The following OPN5 variants were observed in gnomAD, a reference collection of about 807,000 sequenced individuals.
The protein encoded by OPN5 is opsin 5, also known as opsin-5.
A neutral mutation model predicts 41.7 loss-of-function variants in OPN5; 18 were observed. That is an observed-to-expected ratio of 0.43 (90% CI 0.30 to 0.64). OPN5 has a LOEUF of 0.64. Ranked by LOEUF, OPN5 falls within the 30% of genes least tolerant of loss-of-function variation. The pLI is 0.13. For synonymous variants in OPN5, 178 were observed against 164.3 expected (o/e 1.08, Z -0.64); for missense variants, 318 against 434.5 (o/e 0.73, Z 2.38).
intron 6 of OPN5, among the ~76,000 whole-genome samples, chr6:47,813,803 T>C (rs1208639257): frequency 6.6e-6 from 1 of 152,010 alleles, no homozygotes; most frequent in Non-Finnish European, 1.5e-5. Flanking sequence ...AAAAAAGTGG[T>C]AATTGATTAC....
At chr6:47,782,723 A>G (rs1413353268) in intron 1 of OPN5, among the ~76,000 whole-genome samples, 1 of 152,210 alleles carries the variant, frequency 6.6e-6, no homozygotes, top group Non-Finnish European at 1.5e-5. Context: ...TAGCTAAGCC[A>G]TTTTGGTGAC....
chr6:47,822,851 A>C (rs1383522094), intron 6 of OPN5, among the ~76,000 whole-genome samples: 1 of 152,212 alleles, frequency 6.6e-6, no homozygotes, highest in African/African-American at 2.4e-5. Flanking sequence ...TCTGTTGTTC[A>C]AGTCCTCCAA....
intron 4 of OPN5, among the ~76,000 whole-genome samples, chr6:47,807,128 G>A (rs1380199899): frequency 6.6e-6 from 1 of 152,174 alleles, no homozygotes; most frequent in Admixed American, 6.5e-5. Context: ...CTGCATTCCA[G>A]CCTGGGCAAC....
chr6:47,819,154 T>G (rs1762519456), intron 6 of OPN5, among the ~76,000 whole-genome samples: 1 of 151,474 alleles, frequency 6.6e-6, no homozygotes, highest in South Asian at 2.1e-4. Flanking sequence ...AAATTTATTT[T>G]TAGCTCCTGG....
At chr6:47,783,613 T>A (rs905353103) in intron 1 of OPN5, among the ~76,000 whole-genome samples, 3 of 152,176 alleles carry the variant, frequency 2.0e-5, no homozygotes, top group Non-Finnish European at 4.4e-5. Context: ...TAGTTTAAAT[T>A]CTGTTTCTTA....
At chr6:47,813,495 G>T (rs1762327677) in intron 6 of OPN5, among the ~76,000 whole-genome samples, 1 of 152,160 alleles carries the variant, frequency 6.6e-6, no homozygotes, top group African/African-American at 2.4e-5. Context: ...GGAGCTGAGA[G>T]TGGTAGTCTG....
intron 1 of OPN5, among the ~76,000 whole-genome samples, chr6:47,783,400 T>C (rs999360306): frequency 2.4e-4 from 36 of 152,214 alleles, no homozygotes; most frequent in African/African-American, 7.9e-4. Context: ...CTTCCTCCCT[T>C]TCTCTCTTTT....
At chr6:47,783,903 C>A (rs1392981073) in intron 1 of OPN5, among the ~76,000 whole-genome samples, 4 of 152,194 alleles carry the variant, frequency 2.6e-5, no homozygotes, top group Non-Finnish European at 5.9e-5. Context: ...AATAACCTGA[C>A]AAATCTCTCC....
intron 1 of OPN5, 130 bp from the exon 2 acceptor site, chr6:47,786,385 T>C (rs1189941890): frequency 3.0e-6 from 2 of 662,626 alleles, no homozygotes; most frequent in Non-Finnish European, 5.1e-6. Context: ...TAATTTAGAT[T>C]TTTTTATTTA....
At chr6:47,818,590 C>T (rs1302954003) in intron 6 of OPN5, among the ~76,000 whole-genome samples, 1 of 152,164 alleles carries the variant, frequency 6.6e-6, no homozygotes, top group East Asian at 1.9e-4. Context: ...GTATGGGGCA[C>T]AGATGAGGCT....
intron 2 of OPN5, among the ~76,000 whole-genome samples, chr6:47,791,074 T>C (rs1277013934): frequency 6.6e-6 from 1 of 152,146 alleles, no homozygotes; most frequent in East Asian, 1.9e-4. Context: ...TTTTCCTCCT[T>C]TTCTTCATTT....
chr6:47,791,683 G>C lies in OPN5; in HGVS notation c.251-119G>C. The C allele has an allele frequency of 7.0e-6, 5 of 714,842 alleles. No individual in the cohort carries two copies. The South Asian group carries it at 9.1e-5, about 13-fold the overall frequency. 44.3% of individuals were successfully genotyped at this position (714,842 alleles called of 1,614,324 possible). Reference sequence around the variant, plus strand: ...ATCTAGGAAATCTGTGTAATCAAGGGTGTGTGTGTGCGTTCACATGTGTCC... The same window carrying C: ...ATCTAGGAAATCTGTGTAATCAAGGCTGTGTGTGTGCGTTCACATGTGTCC... On this transcript the variant is annotated intron_variant, in intron 2 of 6. Transcript: ENST00000371211.
At chr6:47,787,217 A>T in intron 2 of OPN5, 1 of 961,996 alleles carries the variant, frequency 1.0e-6, no homozygotes, top group Non-Finnish European at 1.2e-6. Flanking sequence ...TCATCTGGGG[A>T]AGTTCTGAAT....
intron 1 of OPN5, among the ~76,000 whole-genome samples, chr6:47,785,714 T>C (rs1773173416): frequency 6.6e-6 from 1 of 152,244 alleles, no homozygotes; most frequent in Non-Finnish European, 1.5e-5. Context: ...ACTGGGTTTG[T>C]AAGAACTTTC....
chr6:47,794,292 T>C (rs1773475539), intron 3 of OPN5, among the ~76,000 whole-genome samples: 1 of 152,216 alleles, frequency 6.6e-6, no homozygotes, highest in East Asian at 1.9e-4. Flanking sequence ...TATATTTTGA[T>C]ATTTCTTCTC....
At chr6:47,784,576 G>A (rs1404008686) in intron 1 of OPN5, among the ~76,000 whole-genome samples, 1 of 152,102 alleles carries the variant, frequency 6.6e-6, no homozygotes, top group Admixed American at 6.6e-5. Flanking sequence ...GGGATTACAG[G>A]CGTGAGCCAC....
At chr6:47,795,587 A>G (rs372529232) in intron 4 of OPN5, 24 bp downstream of exon 4, 209 of 1,541,258 alleles carry the variant, frequency 1.4e-4, no homozygotes, top group Non-Finnish European at 1.7e-4. Flanking sequence ...TATTTTACAC[A>G]TGTGTTTTCT....
At chr6:47,811,717 G>A (rs1044176414) in exon 6 of OPN5, 4 of 1,611,630 alleles carry the variant, frequency 2.5e-6, no homozygotes, top group African/African-American at 2.7e-5. Flanking sequence ...TGCTGTGCTG[G>A]AAATTCATGA....
intron 6 of OPN5, among the ~76,000 whole-genome samples, chr6:47,813,113 C>CAAAAAAA (rs1341179581): frequency 8.7e-6 from 1 of 114,486 alleles, no homozygotes; most frequent in African/African-American, 2.9e-5. Flanking sequence ...ACAACAACAA[C>CAAAAAAA]AAGCAACAAC....
Sources: allele counts gnomAD v4.1 joint callset (sites outside exome capture counted in the v4.1 genomes callset), GRCh38; gene constraint gnomAD v4.1.1; transcripts MANE v1.5; gene names NCBI Gene and HGNC (gene_info 2026-07-23, HGNC 2026-07-21).